Variants in CCNY observed in about 807,000 individuals in gnomAD.
The protein encoded by CCNY is cyclin-Y.
In CCNY, 19 loss-of-function variants were observed where a neutral mutation model predicts 42.8. That is an observed-to-expected ratio of 0.44 (90% confidence interval 0.31 to 0.65). CCNY has a LOEUF of 0.65. Among genes scored for constraint, CCNY ranks in the 30% least tolerant of loss-of-function variants. The pLI, the probability that CCNY is intolerant of heterozygous loss-of-function variation, is 0.07. For synonymous variants in CCNY, 165 were observed against 162.7 expected (o/e 1.01, Z -0.11); for missense variants, 370 against 437.3 (o/e 0.85, Z 1.37).
At chr10:35,344,852 T>G (rs1836265043) in intron 1 of CCNY, among the ~76,000 whole-genome samples, 1 of 152,196 alleles carries the variant, frequency 6.6e-6, no homozygotes, top group African/African-American at 2.4e-5. Flanking sequence ...TGCGATAGTT[T>G]GCTGAGAATG....
At chr10:35,346,625 A>G (rs555165081) in intron 1 of CCNY, among the ~76,000 whole-genome samples, 1 of 152,248 alleles carries the variant, frequency 6.6e-6, no homozygotes, top group Admixed American at 6.5e-5. Context: ...TGGACATTCT[A>G]TACATTAGGT....
At chr10:35,294,841 G>A (rs1835451983) in intron 3 of CCNY, among the ~76,000 whole-genome samples, 1 of 152,166 alleles carries the variant, frequency 6.6e-6, no homozygotes, top group African/African-American at 2.4e-5. Flanking sequence ...TAAGTGTTTG[G>A]TAGAATTCAC....
chr10:35,280,882 A>C (rs1223533065), intron 3 of CCNY, among the ~76,000 whole-genome samples: 2 of 152,218 alleles, frequency 1.3e-5, no homozygotes, highest in East Asian at 3.8e-4. Context: ...CTACATAAAG[A>C]GCTCTTACAA....
chr10:35,523,145 A>T (rs941403358), intron 4 of CCNY, among the ~76,000 whole-genome samples: 1 of 152,226 alleles, frequency 6.6e-6, no homozygotes, highest in African/African-American at 2.4e-5. Context: ...GGACACCATA[A>T]AAGTCCTGAA....
At chr10:35,405,490 T>C (rs1837737727) in intron 1 of CCNY, among the ~76,000 whole-genome samples, 1 of 152,058 alleles carries the variant, frequency 6.6e-6, no homozygotes, top group Non-Finnish European at 1.5e-5. Context: ...CTCGACCTAA[T>C]AAGGGAGCCG....
chr10:35,494,835 G>GTA (rs1839975645), intron 2 of CCNY, among the ~76,000 whole-genome samples: 1 of 152,102 alleles, frequency 6.6e-6, no homozygotes, highest in African/African-American at 2.4e-5. Context: ...TGCTTGCTTT[G>GTA]TATATATGCG....
intron 2 of CCNY, among the ~76,000 whole-genome samples, chr10:35,490,223 G>A (rs1839869430): frequency 6.6e-6 from 1 of 152,098 alleles, no homozygotes; most frequent in African/African-American, 2.4e-5. Context: ...AATGCTACAG[G>A]TTCTTCATAT....
At chr10:35,469,291 C>A (rs1175260674) in intron 1 of CCNY, among the ~76,000 whole-genome samples, 1 of 152,240 alleles carries the variant, frequency 6.6e-6, no homozygotes, top group African/African-American at 2.4e-5. Flanking sequence ...TTACAAAGTG[C>A]ATGTAGCATG....
At chr10:35,367,300 A>G (rs1431704790) in intron 1 of CCNY, among the ~76,000 whole-genome samples, 1 of 152,044 alleles carries the variant, frequency 6.6e-6, no homozygotes, top group South Asian at 2.1e-4. Flanking sequence ...ATAGTATTCT[A>G]TTTTGTAGTG....
At chr10:35,445,006 C>CA (rs1217798001) in intron 1 of CCNY, among the ~76,000 whole-genome samples, 1 of 152,100 alleles carries the variant, frequency 6.6e-6, no homozygotes, top group Admixed American at 6.5e-5. Context: ...GGTTTGGCTT[C>CA]AGGGTGATCA....
intron 7 of CCNY, among the ~76,000 whole-genome samples, chr10:35,548,518 G>A (rs184822038): frequency 7.2e-4 from 110 of 152,034 alleles, no homozygotes; most frequent in Admixed American, 2.8e-3. Flanking sequence ...GGATGGTCTC[G>A]ATCTCCTGAC....
intron 3 of CCNY, among the ~76,000 whole-genome samples, chr10:35,267,538 A>G (rs79940628): frequency 0.01 from 1,565 of 152,272 alleles, 17 homozygotes; most frequent in Middle Eastern, 0.02. Flanking sequence ...CAACATGTCC[A>G]TGGTGGTGGG....
chr10:35,447,159 C>G (rs1838810287), intron 1 of CCNY, among the ~76,000 whole-genome samples: 1 of 152,214 alleles, frequency 6.6e-6, no homozygotes, highest in African/African-American at 2.4e-5. Flanking sequence ...CGCCTGTAGT[C>G]TCAGCTACTC....
chr10:35,474,472 C>T (rs1021839008), intron 1 of CCNY, among the ~76,000 whole-genome samples: 2 of 152,198 alleles, frequency 1.3e-5, no homozygotes, highest in Non-Finnish European at 1.5e-5. Context: ...ACTGCCTCCT[C>T]AAGTGGGTCC....
chr10:35,567,007 T>G (rs2135466713), intron 9 of CCNY, among the ~76,000 whole-genome samples: 1 of 152,314 alleles, frequency 6.6e-6, no homozygotes, highest in South Asian at 2.1e-4. Context: ...CCACCACAAT[T>G]CTATTTTGAA....
At chr10:35,328,404 T>A (rs1422025336) in intron 3 of CCNY, among the ~76,000 whole-genome samples, 1 of 152,222 alleles carries the variant, frequency 6.6e-6, no homozygotes, top group Non-Finnish European at 1.5e-5. Context: ...CTTCTTTTTA[T>A]CATTCATTGT....
At chr10:35,413,331 G>T (rs549478345) in intron 1 of CCNY, among the ~76,000 whole-genome samples, 21 of 152,240 alleles carry the variant, frequency 1.4e-4, no homozygotes, top group African/African-American at 4.8e-4. Flanking sequence ...GTGAGTCAGT[G>T]GATATTGGTG....
intron 7 of CCNY, among the ~76,000 whole-genome samples, chr10:35,540,795 T>C (rs1379062362): frequency 1.3e-5 from 2 of 152,208 alleles, no homozygotes; most frequent in Non-Finnish European, 2.9e-5. Context: ...ATTACCCAAT[T>C]TGTTGTCATG....
At chr10:35,542,883 T>C (rs1841032984) in intron 7 of CCNY, among the ~76,000 whole-genome samples, 2 of 152,218 alleles carry the variant, frequency 1.3e-5, no homozygotes, top group South Asian at 4.1e-4. Flanking sequence ...TGGCAAATAA[T>C]AAGTGGTGGT....
Sources: allele counts gnomAD v4.1 joint callset (sites outside exome capture counted in the v4.1 genomes callset), GRCh38; gene constraint gnomAD v4.1.1; transcripts MANE v1.5; gene names NCBI Gene and HGNC (gene_info 2026-07-23, HGNC 2026-07-21).